The following NOC4L variants were observed in gnomAD, a reference collection of about 807,000 sequenced individuals.
The protein encoded by NOC4L is nucleolar complex protein 4 homolog.
NOC4L carries 40 observed loss-of-function variants against 62.8 expected under a neutral mutation model. That is an observed-to-expected ratio of 0.64 (90% CI 0.49 to 0.83). The LOEUF (loss-of-function observed/expected upper bound fraction) is 0.83. Ranked by LOEUF, NOC4L falls within the 40% of genes least tolerant of loss-of-function variation. The pLI is 0.00. For missense variants in NOC4L, 927 were observed against 701.9 expected (o/e 1.32, Z -3.62); for synonymous variants, 433 against 299.8 (o/e 1.44, Z -4.59).
In NOC4L at chr12:132,151,487, C is replaced by T. The variant is rs1872924531; in HGVS notation, c.1077C>T (p.His359=). 13 of 1,602,096 alleles carry T rather than the reference C, an allele frequency of 8.1e-6. No individual in the cohort carries two copies. The highest frequency in any genetic ancestry group is 1.3e-5 in the African/African-American group (1 of 75,018). ...TCACAACCACTGCCCTGCCCAGCCA[C>T]CTCCCCGCCTACCTGGTGGCCGCCT... ...HLADLFLSSS[H]LPAYLVAAFA... The change falls in exon 12 of 15, where the codon CAC becomes CAT. Residue 359 remains histidine, a synonymous_variant. Coordinates refer to ENST00000330579, the MANE Select transcript of NOC4L (RefSeq NM_024078.3).
At chr12:132,151,160 C>T (rs746239121) in intron 10 of NOC4L, 98 bp from the exon 11 acceptor site, 12 of 1,423,580 alleles carry the variant, frequency 8.4e-6, no homozygotes, top group African/African-American at 1.4e-5. Context: ...TGTTGGAGTC[C>T]CTGGGCGGGA....
rs1346194198 is a variant in NOC4L at position 132,151,571 on chromosome 12, C to T, written c.1161C>T (p.Val387=). 1.2e-6 allele frequency: 2 copies of T among 1,610,920 alleles called. No individual in the cohort carries two copies. Among genetic ancestry groups the T allele is most frequent in the South Asian group, 1.1e-5 (1 of 90,992 alleles). ...CTCCCCCTGAGGCCCTGCTCATGGT[C>T]CTGCCTTTCATCTGTAACCTGCTGC... The part of the protein sequence containing the change: ...LTAPPEALLM[V]LPFICNLLRR... The change falls in exon 12 of 15, where the codon GTC becomes GTT. Residue 387 remains valine (V), a synonymous_variant. Transcript: ENST00000330579.
chr12:132,148,275 C>T (rs1897801871), intron 7 of NOC4L, among the ~76,000 whole-genome samples, 169 bp downstream of exon 7: 1 of 152,220 alleles, frequency 6.6e-6, no homozygotes, highest in Non-Finnish European at 1.5e-5. Flanking sequence ...GTGACGAGAC[C>T]TGTGAACTCG....
At chr12:132,148,039 G>C in intron 6 of NOC4L, 33 bp from the exon 7 acceptor site, 2 of 1,613,474 alleles carry the variant, frequency 1.2e-6, no homozygotes, top group Non-Finnish European at 1.7e-6. Context: ...TCCCCTGCGG[G>C]TCAGGTGACC....
At position 132,148,831 on chromosome 12, in the gene NOC4L, C is replaced by T. The variant is rs1265754398; in HGVS notation, c.837C>T (p.Ala279=). ...YKKVLLIVHD[A]ILPQLAQPTL... ...AGGTGCTGCTGATTGTGCATGACGC[C>T]ATCCTGCCGCAGCTGGCGCAGCCCA... Residue 279 remains alanine (A), a synonymous_variant, in exon 9 of 15, where the codon GCC becomes GCT. Coordinates refer to ENST00000330579, the MANE Select transcript of NOC4L (RefSeq NM_024078.3). The T allele has an allele frequency of 1.2e-6, 2 of 1,603,780 alleles. No homozygotes were observed. Among genetic ancestry groups the T allele is most frequent in the Non-Finnish European group, 1.7e-6 (2 of 1,178,540 alleles).
chr12:132,147,816 T>C (rs1216795152), intron 5 of NOC4L, 34 bp downstream of exon 5: 3 of 1,611,232 alleles, frequency 1.9e-6, no homozygotes, highest in Non-Finnish European at 2.5e-6. Context: ...AGCATCATGC[T>C]GTTGCCTCCC....
chr12:132,144,780 G>C, intron 1 of NOC4L, 74 bp from the exon 2 acceptor site: 5 of 1,538,042 alleles, frequency 3.3e-6, no homozygotes, highest in Non-Finnish European at 4.4e-6. Context: ...GGAAGGGAAC[G>C]GGTTGGGGGC....
At chr12:132,149,561 TGCC>T (rs1489633855) in intron 9 of NOC4L, among the ~76,000 whole-genome samples, 1 of 13,304 alleles carries the variant, frequency 7.5e-5, no homozygotes, top group African/African-American at 3.2e-4. Context: ...CCTCGGTGAG[TGCC>T]GCCGCCTCAC....
At position 132,151,640 on chromosome 12, in the gene NOC4L, C is replaced by T; in HGVS notation, c.1230C>T (p.Gly410=). ...ACRVLVHRPH[G]PELDADPYDP... ...GGGTCCTCGTGCACCGTCCACACGG[C>T]CCTGGTGAGTTGCGGGGCCCTCGGA... Residue 410 remains glycine (G), a synonymous_variant, in exon 12 of 15, where the codon GGC becomes GGT. Transcript: ENST00000330579. 2 of 1,611,732 alleles carry T rather than the reference C, an allele frequency of 1.2e-6. No individual in the cohort carries two copies. The highest frequency in any genetic ancestry group is 1.7e-4 in the Middle Eastern group (1 of 6,058).
At chr12:132,150,853 T>C in intron 9 of NOC4L, 128 bp from the exon 10 acceptor site, 1 of 706,768 alleles carries the variant, frequency 1.4e-6, no homozygotes. Context: ...CAGCTTTGTG[T>C]CCGTGGGGGC....
rs948452312 is a variant in NOC4L at position 132,146,249 on chromosome 12, A to G, written c.345+584A>G. 1.5e-5 allele frequency: 7 copies of G among 455,950 alleles called. No individual in the cohort carries two copies. The Middle Eastern group carries it at 9.8e-4, about 64-fold the overall frequency. The allele number at this position is 455,950 out of a possible 1,614,324, so 28.2% of individuals were successfully genotyped here. ...GGTTTGCTTTTTTTAGACGCTCCTC[A>G]TAAGGGGGATCATACGGTATGTGGC... On this transcript the variant is annotated intron_variant, in intron 3 of 14. Transcript: ENST00000330579.
intron 3 of NOC4L, 150 bp downstream of exon 3, chr12:132,145,815 C>T: frequency 3.3e-6 from 2 of 601,756 alleles, no homozygotes; most frequent in Admixed American, 3.0e-5. Flanking sequence ...CAGTCCCATT[C>T]AGAAACATGG....
At position 132,151,775 on chromosome 12, in the gene NOC4L, C is replaced by T. The variant is rs377518808; in HGVS notation, c.1272C>T (p.Asp424=). Residue 424 remains aspartate, a synonymous_variant, in exon 13 of 15, where the codon GAC becomes GAT. Coordinates refer to ENST00000330579, the MANE Select transcript of NOC4L (RefSeq NM_024078.3). The part of the protein sequence containing the change: ...DADPYDPGEE[D]PAQSRALESS... ...ACCCCTACGACCCTGGAGAGGAGGA[C>T]CCAGCCCAGAGCCGGGCCTTGGAGA... The T allele has an allele frequency of 1.3e-5, 21 of 1,612,352 alleles. No individual in the cohort carries two copies. The highest frequency in any genetic ancestry group is 1.7e-5 in the Admixed American group (1 of 60,024).
At chr12:132,151,390 T>C (rs370534636) in intron 11 of NOC4L, 22 bp downstream of exon 11, 16 of 1,604,078 alleles carry the variant, frequency 1.0e-5, no homozygotes, top group South Asian at 9.9e-5. Context: ...GGCACCTGGC[T>C]CTGCCCTGCT....
At chr12:132,150,803 C>T in intron 9 of NOC4L, 178 bp from the exon 10 acceptor site, 1 of 610,978 alleles carries the variant, frequency 1.6e-6, no homozygotes, top group Non-Finnish European at 2.9e-6. Context: ...CCCGATCCCA[C>T]TGCCTCCACC....
chr12:132,150,963 G>A lies in NOC4L; in HGVS notation c.902-18G>A, dbSNP rs369175365. The A allele has an allele frequency of 6.9e-6, 11 of 1,595,088 alleles. No homozygotes were observed. Among genetic ancestry groups the A allele is most frequent in the Non-Finnish European group, 9.4e-6 (11 of 1,169,458 alleles). ...AGCGAGGTCACTGCAGCTCCAGCCT[G>A]TGTCTGTCTGTCTGCAGGGGGGGCC... On this transcript the variant is annotated intron_variant, in intron 9 of 14. Coordinates refer to ENST00000330579, the MANE Select transcript of NOC4L (RefSeq NM_024078.3).
chr12:132,150,681 C>T lies in NOC4L; in HGVS notation c.902-300C>T, dbSNP rs1593431526. Among the ~76,000 whole-genome samples the T allele has an allele frequency of 7.7e-5, 4 of 51,812 alleles. 1 individual carries two copies. Among genetic ancestry groups the T allele is most frequent in the Admixed American group, 5.3e-4 (3 of 5,644 alleles). 34.0% of individuals were successfully genotyped at this position (51,812 alleles called of 152,430 possible). On this transcript the variant is annotated intron_variant, in intron 9 of 14. Transcript: ENST00000330579. Reference sequence around the variant, plus strand: ...TGCCGCCGCCTCGCTCATACCACACCCCTAATCCCCTCGGTGAGTGCCGCC... The same window carrying T: ...TGCCGCCGCCTCGCTCATACCACACTCCTAATCCCCTCGGTGAGTGCCGCC...
At position 132,151,328 on chromosome 12, in the gene NOC4L, G is replaced by T. The variant is rs149558270; in HGVS notation, c.1033G>T (p.Ala345Ser). Residue 345 changes from alanine to serine, a missense_variant, in exon 11 of 15, where the codon GCC becomes TCC. Transcript: ENST00000330579. ...CTCTGTCTTTCACGTCAAGTACCGC[G>T]CCCGCTTCTTCCACCTGGCTGACCT... ...DPSVFHVKYR[A>S]RFFHLADLFL... 4 of 1,611,440 alleles carry T rather than the reference G, an allele frequency of 2.5e-6. No homozygotes were observed. Among genetic ancestry groups the T allele is most frequent in the Admixed American group, 1.7e-5 (1 of 60,020 alleles).
intron 4 of NOC4L, 60 bp from the exon 5 acceptor site, chr12:132,147,573 C>T: frequency 6.3e-7 from 1 of 1,585,910 alleles, no homozygotes; most frequent in Admixed American, 1.7e-5. Flanking sequence ...GGGCTGCCTG[C>T]CTGGACCTTG....
Sources: gnomAD v4.1 joint callset for allele counts (sites outside exome capture counted in the v4.1 genomes callset) on GRCh38, gnomAD v4.1.1 for gene constraint, MANE v1.5 for transcripts, NCBI Gene and HGNC (gene_info 2026-07-23, HGNC 2026-07-21) for gene names.